Variants in SYT6 observed in about 807,000 individuals in gnomAD.
The protein encoded by SYT6 is synaptotagmin-6.
Under a neutral mutation model 38.4 loss-of-function variants are expected in SYT6, and 24 were observed. That is an observed-to-expected ratio of 0.62 (90% CI 0.45 to 0.88). The LOEUF is 0.88. Ranked by LOEUF, SYT6 falls within the 40% of genes least tolerant of loss-of-function variation. The probability of loss-of-function intolerance (pLI) is 0.00; values close to 1 mark genes in which losing one functional copy is unlikely to be tolerated. For missense variants in SYT6, 611 were observed against 621.0 expected (o/e 0.98, Z 0.17); for synonymous variants, 265 against 241.9 (o/e 1.10, Z -0.89).
At chr1:114,131,190 AG>A (rs1443256177) in intron 3 of SYT6, among the ~76,000 whole-genome samples, 1 of 152,090 alleles carries the variant, frequency 6.6e-6, no homozygotes, top group African/African-American at 2.4e-5. Context: ...GCAGGACTGG[AG>A]TTGAAGTCAT....
chr1:114,102,795 C>T (rs893022228), intron 4 of SYT6, among the ~76,000 whole-genome samples: 1 of 151,976 alleles, frequency 6.6e-6, no homozygotes, highest in Admixed American at 6.6e-5. Context: ...CAAGAGGCTT[C>T]ACCCCATTTC....
Position 114,139,614 on chromosome 1 carries a change from C to T in SYT6, c.512+1G>A. ...AGGGAAGGGAGTGGTCCACTCCTCA[C>T]CTGGTGGATGACGCTGGCTCTGTAG... On this transcript the variant is annotated splice_donor_variant, in intron 2 of 7. Transcript: ENST00000610222. LOFTEE classifies it high-confidence loss of function. 6.2e-7 allele frequency: 1 copy of T among 1,614,006 alleles called. No homozygotes were observed. Among genetic ancestry groups the T allele is most frequent in the Non-Finnish European group, 8.5e-7 (1 of 1,179,988 alleles).
At chr1:114,147,173 G>A (rs747848114) in intron 1 of SYT6, among the ~76,000 whole-genome samples, 23 of 152,150 alleles carry the variant, frequency 1.5e-4, no homozygotes, top group Non-Finnish European at 3.1e-4. Context: ...ATCTTGAGAC[G>A]TAACACAAAC....
rs576042536 is a variant in SYT6, at chr1:114,125,233, G to A, written c.1071+12262C>T. Among the ~76,000 whole-genome samples, 4 of 152,322 alleles carry A rather than the reference G, an allele frequency of 2.6e-5. No individual in the cohort carries two copies. In the East Asian group the frequency reaches 7.7e-4, roughly 29 times the overall value. On this transcript the variant is annotated intron_variant, in intron 3 of 7. Transcript: ENST00000610222. ...GATCAGCAGGGTAGGACTCTAAAAT[G>A]ACAGTCTTTTGAAGCAATTATTGGT... is the stretch of plus-strand genomic sequence containing the variant.
intron 3 of SYT6, among the ~76,000 whole-genome samples, chr1:114,117,970 C>T (rs937843704): frequency 5.3e-5 from 8 of 152,208 alleles, no homozygotes; most frequent in African/African-American, 1.4e-4. Flanking sequence ...CAGACACTTT[C>T]GGGCCCCTTC....
At chr1:114,101,556 T>A (rs1009823742) in intron 4 of SYT6, among the ~76,000 whole-genome samples, 4 of 152,220 alleles carry the variant, frequency 2.6e-5, no homozygotes, top group African/African-American at 9.6e-5. Flanking sequence ...CTTAGAGAAT[T>A]GATTCAGGGC....
At chr1:114,132,921 G>A (rs1368529143) in intron 3 of SYT6, among the ~76,000 whole-genome samples, 1 of 152,176 alleles carries the variant, frequency 6.6e-6, no homozygotes, top group Non-Finnish European at 1.5e-5. Context: ...AGGTTTTAAA[G>A]CTAGAAAGTA....
In SYT6 at chr1:114,153,837, G is replaced by A; in HGVS notation, c.-65C>T. The A allele has an allele frequency of 1.7e-6, 1 of 577,936 alleles. No individual in the cohort carries two copies. Among genetic ancestry groups the A allele is most frequent in the Non-Finnish European group, 3.0e-6 (1 of 333,710 alleles). 35.8% of individuals were successfully genotyped at this position (577,936 alleles called of 1,614,324 possible). A position where few individuals can be genotyped will look rare whatever the true frequency, so the allele number is the denominator to read the frequency against. ...CGCGCCCCGGCCGCACTGGGGCGGG[G>A]CACGACGGCCCCAAGAAGACCCTCC... On this transcript the variant is annotated 5_prime_UTR_variant, in exon 1 of 8. Coordinates refer to ENST00000610222, the MANE Select transcript of SYT6 (RefSeq NM_001253772.2).
intron 3 of SYT6, among the ~76,000 whole-genome samples, chr1:114,110,305 T>G (rs1303971148): frequency 6.6e-6 from 1 of 152,192 alleles, no homozygotes; most frequent in Non-Finnish European, 1.5e-5. Flanking sequence ...TCCAGGAACT[T>G]GTATTCTAAG....
At chr1:114,093,005 T>C (rs1310279913) in intron 7 of SYT6, among the ~76,000 whole-genome samples, 1 of 151,770 alleles carries the variant, frequency 6.6e-6, no homozygotes, top group Non-Finnish European at 1.5e-5. Context: ...AGCTCCAGAG[T>C]TAAGAGGTAG....
intron 3 of SYT6, among the ~76,000 whole-genome samples, chr1:114,122,506 T>TGTGTGCGCGCGCGCGCGC (rs60780339): frequency 6.8e-6 from 1 of 147,288 alleles, no homozygotes; most frequent in Non-Finnish European, 1.5e-5. Context: ...TGTGTGTGTG[T>TGTGTGCGCGCGCGCGCGC]GCGCGCACAT....
chr1:114,093,417 G>T (rs1258064058), intron 7 of SYT6, among the ~76,000 whole-genome samples: 2 of 152,184 alleles, frequency 1.3e-5, no homozygotes, highest in Admixed American at 1.3e-4. Flanking sequence ...CTAACCAAAG[G>T]CCAGACAATC....
chr1:114,145,810 G>T (rs1031483508), intron 1 of SYT6, among the ~76,000 whole-genome samples: 11 of 152,136 alleles, frequency 7.2e-5, no homozygotes, highest in African/African-American at 9.7e-5. Context: ...AGGGGAGTAG[G>T]GGGAATCTAG....
intron 1 of SYT6, among the ~76,000 whole-genome samples, chr1:114,143,927 C>T (rs1432454716): frequency 1.3e-5 from 2 of 152,108 alleles, no homozygotes; most frequent in Non-Finnish European, 2.9e-5. Context: ...ATCCCACTTC[C>T]CTCTCCAAAT....
At chr1:114,111,834 G>A (rs1358469810) in intron 3 of SYT6, among the ~76,000 whole-genome samples, 3 of 152,218 alleles carry the variant, frequency 2.0e-5, no homozygotes, top group Admixed American at 1.3e-4. Context: ...CTCAGCTCTC[G>A]CCTGGGAGAG....
At chr1:114,129,538 C>T (rs906354373) in intron 3 of SYT6, among the ~76,000 whole-genome samples, 4 of 149,550 alleles carry the variant, frequency 2.7e-5, no homozygotes, top group African/African-American at 7.3e-5. Context: ...TTCTTTCTTT[C>T]TTTTTTTTCT....
intron 3 of SYT6, among the ~76,000 whole-genome samples, chr1:114,119,183 T>C (rs1008165814): frequency 2.0e-5 from 3 of 152,200 alleles, no homozygotes; most frequent in Admixed American, 2.0e-4. Flanking sequence ...CCCTGTTCAT[T>C]TCACATATCA....
chr1:114,091,905 G>GGCTGCCGCT lies in SYT6; in HGVS notation c.*220_*228dup. ...CAGGTAAGACTCTGGAGTGACGGAC[G>GGCTGCCGCT]GCTGCCGCTGCTGCCGCCACTGCGA... On this transcript the variant is annotated 3_prime_UTR_variant, in exon 8 of 8. Coordinates refer to ENST00000610222, the MANE Select transcript of SYT6 (RefSeq NM_001253772.2). 1 of 1,156,176 alleles carries GGCTGCCGCT rather than the reference G, an allele frequency of 8.6e-7. No individual in the cohort carries two copies. The highest frequency in any genetic ancestry group is 2.6e-5 in the East Asian group (1 of 38,816). The allele number at this position is 1,156,176 out of a possible 1,614,324, so 71.6% of individuals were successfully genotyped here. A position where few individuals can be genotyped will look rare whatever the true frequency, so the allele number is the denominator to read the frequency against.
chr1:114,116,954 G>A (rs942382250), intron 3 of SYT6, among the ~76,000 whole-genome samples: 2 of 152,164 alleles, frequency 1.3e-5, no homozygotes, highest in Admixed American at 6.5e-5. Context: ...TTGGCCTCAT[G>A]TTTTAGGCAT....
Sources: gnomAD v4.1 joint callset for allele counts (sites outside exome capture counted in the v4.1 genomes callset) on GRCh38, gnomAD v4.1.1 for gene constraint, MANE v1.5 for transcripts, NCBI Gene and HGNC (gene_info 2026-07-23, HGNC 2026-07-21) for gene names.